Variants in SNX29 observed in about 807,000 individuals in gnomAD.
SNX29 encodes the protein sorting nexin-29.
In SNX29, 78 loss-of-function variants were observed where a neutral mutation model predicts 102.1. The observed-to-expected ratio is 0.76, with a 90% CI of 0.64 to 0.92. The LOEUF is 0.92. Among genes scored for constraint, SNX29 ranks in the 40% least tolerant of loss-of-function variants. The pLI, the probability that SNX29 is intolerant of heterozygous loss-of-function variation, is 0.00. For synonymous variants in SNX29, 580 were observed against 414.5 expected (o/e 1.40, Z -4.85); for missense variants, 1,280 against 1,061.7 (o/e 1.21, Z -2.86).
intron 18 of SNX29, among the ~76,000 whole-genome samples, chr16:12,411,571 C>T (rs1359829477): frequency 6.6e-6 from 1 of 152,170 alleles, no homozygotes; most frequent in South Asian, 2.1e-4. Context: ...ATTTCCCTTC[C>T]AGTATAAAGC....
At chr16:12,490,075 G>C (rs150150841) in intron 19 of SNX29, among the ~76,000 whole-genome samples, 4 of 152,218 alleles carry the variant, frequency 2.6e-5, no homozygotes, top group African/African-American at 9.6e-5. Flanking sequence ...CAAAGTGCTG[G>C]GATTACAGGC....
chr16:12,296,648 A>G (rs2079991121), intron 15 of SNX29, among the ~76,000 whole-genome samples: 1 of 139,490 alleles, frequency 7.2e-6, no homozygotes. Flanking sequence ...CATTGTGCCA[A>G]TCCCTAATGC....
intron 4 of SNX29, among the ~76,000 whole-genome samples, chr16:12,035,441 A>G (rs3975445): frequency 2.0e-5 from 3 of 152,088 alleles, no homozygotes; most frequent in African/African-American, 7.2e-5. Context: ...ATGTGGGTGT[A>G]TTATGCTGAG....
intron 19 of SNX29, among the ~76,000 whole-genome samples, chr16:12,489,344 CCT>C (rs1372478814): frequency 6.6e-6 from 1 of 152,184 alleles, no homozygotes; most frequent in African/African-American, 2.4e-5. Flanking sequence ...CCTGAAGCCA[CCT>C]TTTTGGAGTT....
chr16:12,106,676 TCACTGTGTTGC>T (rs1280330321), intron 11 of SNX29, among the ~76,000 whole-genome samples: 1 of 150,802 alleles, frequency 6.6e-6, no homozygotes, highest in Non-Finnish European at 1.5e-5. Flanking sequence ...AGACAGGGTC[TCACTGTGTTGC>T]CTAGGCTTAT....
intron 18 of SNX29, among the ~76,000 whole-genome samples, chr16:12,473,690 C>G (rs1010166119): frequency 1.3e-5 from 2 of 152,184 alleles, no homozygotes; most frequent in African/African-American, 4.8e-5. Flanking sequence ...AAAGACCTTG[C>G]TGATTAAACA....
intron 20 of SNX29, among the ~76,000 whole-genome samples, chr16:12,545,834 GA>G (rs1205237934): frequency 6.6e-6 from 1 of 152,120 alleles, no homozygotes; most frequent in Non-Finnish European, 1.5e-5. Flanking sequence ...ACCTGTGGGG[GA>G]GGGGAGCAGA....
chr16:12,154,031 G>C (rs74905001), intron 13 of SNX29, among the ~76,000 whole-genome samples: 2 of 152,284 alleles, frequency 1.3e-5, no homozygotes, highest in Admixed American at 1.3e-4. Flanking sequence ...AAAGCATTAA[G>C]AACAATTAGA....
rs997750189 is a variant in SNX29 at position 12,572,215 on chromosome 16, A to G, written c.*3586A>G. ...CAGGTAGTATTGTGCTTTAAAAACCAGAGGCTCCTGAAAGTCGTTTACACC... is the reference window on the plus strand; with the variant it reads ...CAGGTAGTATTGTGCTTTAAAAACCGGAGGCTCCTGAAAGTCGTTTACACC... On this transcript the variant is annotated 3_prime_UTR_variant, in exon 21 of 21. Coordinates refer to ENST00000566228, the MANE Select transcript of SNX29 (RefSeq NM_032167.5). 1.0e-5 allele frequency: 10 copies of G among 999,410 alleles called. No individual in the cohort carries two copies. The highest frequency in any genetic ancestry group is 1.1e-4 in the Admixed American group (2 of 18,548). 61.9% of individuals were successfully genotyped at this position (999,410 alleles called of 1,614,324 possible).
At chr16:12,477,970 G>T (rs1352915254) in intron 19 of SNX29, 111 bp downstream of exon 19, 5 of 1,295,648 alleles carry the variant, frequency 3.9e-6, no homozygotes, top group Admixed American at 3.3e-5. Flanking sequence ...AAGAAAAGTT[G>T]GTGGAGATAA....
intron 19 of SNX29, among the ~76,000 whole-genome samples, chr16:12,501,973 C>T (rs1431890609): frequency 2.0e-5 from 3 of 152,134 alleles, no homozygotes; most frequent in Non-Finnish European, 4.4e-5. Flanking sequence ...ACCAGGCCAA[C>T]ACTAGTTATA....
chr16:12,010,973 C>T (rs1441615358), intron 3 of SNX29, among the ~76,000 whole-genome samples: 1 of 151,560 alleles, frequency 6.6e-6, no homozygotes, highest in Admixed American at 6.6e-5. Context: ...TTTTTATGTT[C>T]CCTGCATCAC....
At chr16:12,414,464 G>A (rs1293946772) in intron 18 of SNX29, among the ~76,000 whole-genome samples, 2 of 152,160 alleles carry the variant, frequency 1.3e-5, no homozygotes. Context: ...GACCTTCTAA[G>A]TGTGGTCTCC....
intron 13 of SNX29, among the ~76,000 whole-genome samples, chr16:12,146,086 T>C (rs1597038626): frequency 6.6e-6 from 1 of 152,202 alleles, no homozygotes; most frequent in Non-Finnish European, 1.5e-5. Context: ...GTAACGGCTG[T>C]GTAGCATTCC....
chr16:12,042,654 A>G (rs1453176084), intron 4 of SNX29, among the ~76,000 whole-genome samples: 3 of 152,136 alleles, frequency 2.0e-5, no homozygotes, highest in South Asian at 2.1e-4. Context: ...ATAGGACACA[A>G]TTTTGTTCTT....
At chr16:12,425,932 C>A (rs1319618659) in intron 18 of SNX29, among the ~76,000 whole-genome samples, 1 of 152,160 alleles carries the variant, frequency 6.6e-6, no homozygotes, top group East Asian at 1.9e-4. Context: ...CCTGGACTCT[C>A]TTGCAGGCAG....
In SNX29 at chr16:12,569,296, G is replaced by A. The variant is rs2141576533; in HGVS notation, c.*667G>A. ...AGAGAACTTCCCCTACCTCCCCCATGGCTGGCTTCAGGAAGGACCAGTGCC... is the reference window on the plus strand; with the variant it reads ...AGAGAACTTCCCCTACCTCCCCCATAGCTGGCTTCAGGAAGGACCAGTGCC... On this transcript the variant is annotated 3_prime_UTR_variant, in exon 21 of 21. Transcript: ENST00000566228. The A allele has an allele frequency of 4.4e-6, 1 of 229,378 alleles. No homozygotes were observed. The highest frequency in any genetic ancestry group is 2.2e-5 in the African/African-American group (1 of 45,212). 14.2% of individuals were successfully genotyped at this position (229,378 alleles called of 1,614,324 possible). A position where few individuals can be genotyped will look rare whatever the true frequency, so the allele number is the denominator to read the frequency against.
intron 18 of SNX29, among the ~76,000 whole-genome samples, chr16:12,426,959 G>A (rs1042164312): frequency 6.6e-6 from 1 of 152,170 alleles, no homozygotes; most frequent in South Asian, 2.1e-4. Context: ...GAGCCACCAT[G>A]CCTGGCCAGT....
chr16:12,314,156 A>AT (rs960015739), intron 15 of SNX29, among the ~76,000 whole-genome samples: 6 of 151,910 alleles, frequency 3.9e-5, no homozygotes, highest in South Asian at 2.1e-4. Flanking sequence ...AGGCCTGGCT[A>AT]TTTTTTTATT....
Sources: allele counts gnomAD v4.1 joint callset (sites outside exome capture counted in the v4.1 genomes callset), GRCh38; gene constraint gnomAD v4.1.1; transcripts MANE v1.5; gene names NCBI Gene and HGNC (gene_info 2026-07-23, HGNC 2026-07-21).